The following PRKCI variants were observed in gnomAD, a reference collection of about 807,000 sequenced individuals.
PRKCI encodes protein kinase C iota.
PRKCI carries 43 observed loss-of-function variants against 84.0 expected under a neutral mutation model. The observed-to-expected ratio is 0.51, with a 90% CI of 0.40 to 0.66. PRKCI has a LOEUF of 0.66. Among genes scored for constraint, PRKCI ranks in the 30% least tolerant of loss-of-function variants. The pLI is 0.00. For synonymous variants in PRKCI, 216 were observed against 234.4 expected, an observed-to-expected ratio of 0.92 and a Z score of 0.72; for missense variants, 459 against 745.6, an observed-to-expected ratio of 0.62 and a Z score of 4.48.
At chr3:170,282,651 C>G (rs1196692952) in intron 11 of PRKCI, among the ~76,000 whole-genome samples, 1 of 146,174 alleles carries the variant, frequency 6.8e-6, no homozygotes, top group Non-Finnish European at 1.5e-5. Context: ...GAGCCCAGAT[C>G]GCACCACTGC....
chr3:170,238,888 G>A (rs1459918820), intron 2 of PRKCI, among the ~76,000 whole-genome samples: 1 of 151,564 alleles, frequency 6.6e-6, no homozygotes, highest in Non-Finnish European at 1.5e-5. Flanking sequence ...ACCACTCCCA[G>A]CCTTATTTAT....
intron 2 of PRKCI, among the ~76,000 whole-genome samples, chr3:170,255,509 C>T (rs1733564306): frequency 6.6e-6 from 1 of 152,110 alleles, no homozygotes; most frequent in East Asian, 1.9e-4. Context: ...ATTTCATATC[C>T]TTCGACTTTA....
chr3:170,242,995 T>G (rs1378729876), intron 2 of PRKCI, among the ~76,000 whole-genome samples: 1 of 152,122 alleles, frequency 6.6e-6, no homozygotes, highest in Non-Finnish European at 1.5e-5. Context: ...TATAGAGAAG[T>G]TCTGCTGGTG....
chr3:170,298,800 C>G (rs1210152109), intron 16 of PRKCI, among the ~76,000 whole-genome samples, 195 bp from the exon 17 acceptor site: 1 of 152,226 alleles, frequency 6.6e-6, no homozygotes, highest in African/African-American at 2.4e-5. Context: ...CTCAACCTAC[C>G]AAGCGGTTGG....
chr3:170,259,522 C>G (rs1052462761), intron 2 of PRKCI, among the ~76,000 whole-genome samples: 1 of 151,322 alleles, frequency 6.6e-6, no homozygotes, highest in Admixed American at 6.6e-5. Context: ...AAATATTTGT[C>G]CTTAGGCCAG....
intron 8 of PRKCI, among the ~76,000 whole-genome samples, chr3:170,276,070 A>C (rs763515108): frequency 6.6e-6 from 1 of 151,552 alleles, no homozygotes; most frequent in East Asian, 1.9e-4. Flanking sequence ...AGTAGCTAGG[A>C]CTATAGCCCT....
chr3:170,288,867 C>A (rs1272513037), intron 12 of PRKCI, among the ~76,000 whole-genome samples: 1 of 152,184 alleles, frequency 6.6e-6, no homozygotes, highest in African/African-American at 2.4e-5. Context: ...TTACCTGAAG[C>A]TTGACTTCAT....
In PRKCI at chr3:170,222,776, T is replaced by A. The variant is rs898658884; in HGVS notation, c.101+6T>A. The A allele has an allele frequency of 6.5e-7, 1 of 1,542,764 alleles. No individual in the cohort carries two copies. Among genetic ancestry groups the A allele is most frequent in the African/African-American group, 1.4e-5 (1 of 71,810 alleles). ...GTGAAAGCCTACTACCGCGGGTGAG[T>A]GTCCTGGGACAGGGCGGTGGGCGGG... is the stretch of plus-strand genomic sequence containing the variant. On this transcript the variant is annotated splice_donor_region_variant and intron_variant, in intron 1 of 17. Transcript: ENST00000295797.
chr3:170,281,800 C>G, intron 10 of PRKCI, 82 bp from the exon 11 acceptor site: 1 of 1,493,964 alleles, frequency 6.7e-7, no homozygotes, highest in Non-Finnish European at 8.9e-7. Flanking sequence ...AGAATGCTCT[C>G]TGTTGTGATG....
intron 12 of PRKCI, among the ~76,000 whole-genome samples, chr3:170,289,795 C>T (rs1003704113): frequency 1.2e-4 from 18 of 152,084 alleles, no homozygotes; most frequent in African/African-American, 4.1e-4. Context: ...ATCTGTAATC[C>T]CAGCTACTTG....
At chr3:170,242,290 A>T (rs2108840222) in intron 2 of PRKCI, among the ~76,000 whole-genome samples, 1 of 151,360 alleles carries the variant, frequency 6.6e-6, no homozygotes, top group African/African-American at 2.4e-5. Context: ...AAAAATTAAT[A>T]TTAACAGCCA....
At chr3:170,269,500 A>G (rs1733948770) in intron 5 of PRKCI, among the ~76,000 whole-genome samples, 1 of 151,970 alleles carries the variant, frequency 6.6e-6, no homozygotes, top group Non-Finnish European at 1.5e-5. Flanking sequence ...CCATCTCTAC[A>G]AAAAATACAA....
At chr3:170,233,068 CA>C (rs1553835285) in intron 1 of PRKCI, among the ~76,000 whole-genome samples, 1 of 151,554 alleles carries the variant, frequency 6.6e-6, no homozygotes, top group Non-Finnish European at 1.5e-5. Flanking sequence ...TCTAGTCCCC[CA>C]AAACATTTTG....
intron 5 of PRKCI, among the ~76,000 whole-genome samples, chr3:170,268,525 C>CATAA (rs1451931394): frequency 2.0e-5 from 3 of 149,548 alleles, no homozygotes; most frequent in African/African-American, 7.4e-5. Flanking sequence ...AATTATTCCA[C>CATAA]ATAATATACC....
At position 170,297,225 on chromosome 3, in the gene PRKCI, CACACA is replaced by C; in HGVS notation, c.1498-73_1498-69del. 3 of 1,133,670 alleles carry C rather than the reference CACACA, an allele frequency of 2.6e-6. No individual in the cohort carries two copies. In the South Asian group the frequency reaches 3.9e-5, roughly 15 times the overall value. 70.2% of individuals were successfully genotyped at this position (1,133,670 alleles called of 1,614,324 possible). On this transcript the variant is annotated intron_variant, in intron 15 of 17. Transcript: ENST00000295797. ...CAGAAATAAGAGTATCATGTGAGGG[CACACA>C]ACACAGATCACAAAGATGATTTATT...
At chr3:170,246,308 A>G (rs1250819184) in intron 2 of PRKCI, among the ~76,000 whole-genome samples, 4 of 151,924 alleles carry the variant, frequency 2.6e-5, no homozygotes, top group Non-Finnish European at 5.9e-5. Context: ...GCCTGCCACC[A>G]TGCCCAGCTA....
At chr3:170,240,373 C>T (rs1166580070) in intron 2 of PRKCI, among the ~76,000 whole-genome samples, 1 of 151,930 alleles carries the variant, frequency 6.6e-6, no homozygotes, top group Non-Finnish European at 1.5e-5. Flanking sequence ...TATTATAATG[C>T]ATTTCATACT....
chr3:170,262,221 T>A (rs1185257088), intron 3 of PRKCI, among the ~76,000 whole-genome samples: 1 of 152,234 alleles, frequency 6.6e-6, no homozygotes, highest in African/African-American at 2.4e-5. Context: ...CATTTTTGAT[T>A]TTGGTACTGT....
chr3:170,278,422 C>T (rs147726809), intron 8 of PRKCI, among the ~76,000 whole-genome samples: 2,060 of 152,194 alleles, frequency 0.014, 51 homozygotes, highest in African/African-American at 0.047. Context: ...GACTTTAGAC[C>T]GGGAGGATCA....
Sources: gnomAD v4.1 joint callset for allele counts (sites outside exome capture counted in the v4.1 genomes callset) on GRCh38, gnomAD v4.1.1 for gene constraint, MANE v1.5 for transcripts, NCBI Gene and HGNC (gene_info 2026-07-23, HGNC 2026-07-21) for gene names.